ZNF106: variants seen among roughly 807,000 people sequenced by gnomAD.
The protein encoded by ZNF106 is SH3-domain binding protein 3.
Under a neutral mutation model 195.1 loss-of-function variants are expected in ZNF106, and 67 were observed. The ratio of observed to expected loss-of-function variants is 0.34; its 90% CI spans 0.28 to 0.42. ZNF106 has a LOEUF of 0.42. Ranked by LOEUF, ZNF106 falls within the 10% of genes least tolerant of loss-of-function variation. ZNF106 has a pLI of 1.00. For missense variants in ZNF106, 2,118 were observed against 2,304.5 expected, an observed-to-expected ratio of 0.92 and a Z score of 1.66; for synonymous variants, 784 against 818.6, an observed-to-expected ratio of 0.96 and a Z score of 0.72.
At chr15:42,418,483 G>A (rs967553785) in intron 20 of ZNF106, among the ~76,000 whole-genome samples, 14 of 147,646 alleles carry the variant, frequency 9.5e-5, no homozygotes, top group African/African-American at 3.0e-4. Flanking sequence ...CTGCTGCCTC[G>A]GCCTCCCAAA....
At chr15:42,489,655 C>T (rs183154524) in intron 1 of ZNF106, among the ~76,000 whole-genome samples, 1 of 152,196 alleles carries the variant, frequency 6.6e-6, no homozygotes, top group South Asian at 2.1e-4. Context: ...ATTTCATTCA[C>T]GACCAAACTT....
intron 15 of ZNF106, among the ~76,000 whole-genome samples, chr15:42,427,311 T>C (rs1222327165): frequency 6.6e-6 from 1 of 152,216 alleles, no homozygotes; most frequent in Non-Finnish European, 1.5e-5. Context: ...TCTCATACTT[T>C]ACAGCCTGTA....
At chr15:42,421,202 G>T in intron 19 of ZNF106, 70 bp from the exon 20 acceptor site, 1 of 1,390,142 alleles carries the variant, frequency 7.2e-7, no homozygotes, top group Non-Finnish European at 1.0e-6. Flanking sequence ...CAAAACAAGA[G>T]TCACAAGCTC....
At position 42,439,315 on chromosome 15, in the gene ZNF106, G is replaced by T; in HGVS notation, c.4262C>A (p.Thr1421Asn). ...GKLIKGGKVT[T>N]STWEDSRTGR... ...AGTCCTGCTGTCTTCCCAAGTGGAG[G>T]TTGTTACTTTCCCCCCTTTAATTAA... The change falls in exon 11 of 22, where the codon ACC becomes AAC. Residue 1421 changes from threonine (T) to asparagine (N), a missense_variant. Coordinates refer to ENST00000564754, the MANE Select transcript of ZNF106 (RefSeq NM_001366845.3). 6.2e-7 allele frequency: 1 copy of T among 1,614,066 alleles called. No individual in the cohort carries two copies. Among genetic ancestry groups the T allele is most frequent in the Non-Finnish European group, 8.5e-7 (1 of 1,180,020 alleles).
intron 13 of ZNF106, among the ~76,000 whole-genome samples, chr15:42,436,015 G>A (rs1208880051): frequency 2.7e-5 from 4 of 150,586 alleles, no homozygotes; most frequent in Admixed American, 1.3e-4. Flanking sequence ...GTGCAGTGGC[G>A]CGATCTCAGC....
chr15:42,444,314 T>A, intron 8 of ZNF106, 52 bp from the exon 9 acceptor site: 1 of 1,412,104 alleles, frequency 7.1e-7, no homozygotes, highest in Non-Finnish European at 1.0e-6. Flanking sequence ...TGTAAGGTCC[T>A]CTAGGTCTCC....
At chr15:42,468,898 C>T (rs879721452) in intron 2 of ZNF106, among the ~76,000 whole-genome samples, 2 of 151,050 alleles carry the variant, frequency 1.3e-5, no homozygotes, top group Admixed American at 1.3e-4. Flanking sequence ...TTAATATACA[C>T]ATCTTCGGTG....
chr15:42,481,147 T>C (rs1418402284), intron 1 of ZNF106, among the ~76,000 whole-genome samples: 1 of 152,112 alleles, frequency 6.6e-6, no homozygotes, highest in Non-Finnish European at 1.5e-5. Flanking sequence ...GTAATTTTTT[T>C]TAAGAAATGA....
chr15:42,469,085 T>C (rs919620853), intron 2 of ZNF106, among the ~76,000 whole-genome samples: 1 of 151,870 alleles, frequency 6.6e-6, no homozygotes, highest in Admixed American at 6.6e-5. Flanking sequence ...CTCAGGAGGC[T>C]GAAGCAGGAG....
At chr15:42,467,389 A>G (rs2056545353) in intron 2 of ZNF106, among the ~76,000 whole-genome samples, 1 of 152,226 alleles carries the variant, frequency 6.6e-6, no homozygotes, top group South Asian at 2.1e-4. Flanking sequence ...AGTATGATTA[A>G]CTTCATGCTG....
chr15:42,465,317 C>T (rs2056490814), intron 3 of ZNF106, among the ~76,000 whole-genome samples: 1 of 152,134 alleles, frequency 6.6e-6, no homozygotes, highest in African/African-American at 2.4e-5. Flanking sequence ...CACTGTGTCA[C>T]CCAGGCTGGA....
rs769609369 is a variant in ZNF106 at position 42,424,901 on chromosome 15, C to T, written c.5123G>A (p.Arg1708His). The change falls in exon 16 of 22, where the codon CGC becomes CAC. Residue 1708 changes from arginine to histidine, a missense_variant. Arg to His is a conservative substitution (Grantham distance 29). Coordinates refer to ENST00000564754, the MANE Select transcript of ZNF106 (RefSeq NM_001366845.3). ...VGSYDCTISVRDARNGLLLRT... is the reference protein window; with the variant it reads ...VGSYDCTISVHDARNGLLLRT... ...GAGGAGCAGTCCATTCCGGGCATCG[C>T]GTACACTAATTGTGCAGTCATAAGA... is the stretch of plus-strand genomic sequence containing the variant. The T allele has an allele frequency of 4.3e-6, 7 of 1,614,036 alleles. No homozygotes were observed. Among genetic ancestry groups the T allele is most frequent in the South Asian group, 2.2e-5 (2 of 91,076 alleles).
intron 5 of ZNF106, 43 bp from the exon 6 acceptor site, chr15:42,448,748 T>A: frequency 6.5e-7 from 1 of 1,539,648 alleles, no homozygotes; most frequent in Non-Finnish European, 8.7e-7. Context: ...TTGGATATGG[T>A]TGTTGGGAGG....
At chr15:42,418,522 C>T (rs986161845) in intron 20 of ZNF106, among the ~76,000 whole-genome samples, 7 of 138,870 alleles carry the variant, frequency 5.0e-5, no homozygotes, top group South Asian at 2.2e-4. Context: ...TGCACCACCA[C>T]GGCCAGTTAA....
chr15:42,446,939 AG>A (rs1448184425), intron 6 of ZNF106, among the ~76,000 whole-genome samples: 7 of 152,190 alleles, frequency 4.6e-5, no homozygotes, highest in African/African-American at 1.7e-4. Flanking sequence ...TGGTGTAGTA[AG>A]GCACAAGTAG....
intron 2 of ZNF106, among the ~76,000 whole-genome samples, chr15:42,469,402 A>G (rs1374899115): frequency 6.6e-6 from 1 of 152,128 alleles, no homozygotes; most frequent in Admixed American, 6.6e-5. Flanking sequence ...AAATGTTATC[A>G]CCCACTAATA....
At chr15:42,429,163 C>T (rs1027765826) in intron 14 of ZNF106, among the ~76,000 whole-genome samples, 1 of 151,318 alleles carries the variant, frequency 6.6e-6, no homozygotes, top group African/African-American at 2.4e-5. Flanking sequence ...TTGTTGAGGC[C>T]GGACACAGTG....
intron 20 of ZNF106, among the ~76,000 whole-genome samples, chr15:42,418,669 G>A (rs929192528): frequency 2.0e-5 from 3 of 148,686 alleles, no homozygotes; most frequent in Non-Finnish European, 3.0e-5. Context: ...GTGAGCCACC[G>A]CACCCCGCCC....
chr15:42,473,445 C>T (rs963642708), intron 1 of ZNF106, among the ~76,000 whole-genome samples: 84 of 152,156 alleles, frequency 5.5e-4, no homozygotes, highest in African/African-American at 1.9e-3. Flanking sequence ...GCATTCCCCT[C>T]GTTGCTATTC....
Sources: allele counts gnomAD v4.1 joint callset (sites outside exome capture counted in the v4.1 genomes callset), GRCh38; gene constraint gnomAD v4.1.1; transcripts MANE v1.5; gene names NCBI Gene and HGNC (gene_info 2026-07-23, HGNC 2026-07-21).